INTS6: variants seen among roughly 807,000 people sequenced by gnomAD.
The protein encoded by INTS6 is DEAD box protein.
Under a neutral mutation model 104.9 loss-of-function variants are expected in INTS6, and 16 were observed. That is an observed-to-expected ratio of 0.15 (90% CI 0.10 to 0.23). The LOEUF is 0.23. INTS6 is among the 10% of genes least tolerant of loss of function. The probability of loss-of-function intolerance (pLI) is 1.00; values close to 1 mark genes in which losing one functional copy is unlikely to be tolerated. For synonymous variants in INTS6, 324 were observed against 358.7 expected, an observed-to-expected ratio of 0.90 and a Z score of 1.09; for missense variants, 584 against 1,062.8, an observed-to-expected ratio of 0.55 and a Z score of 6.26.
Position 51,374,306 on chromosome 13 carries a change from T to C in INTS6, c.2006A>G (p.Gln669Arg). The C allele has an allele frequency of 1.9e-6, 3 of 1,614,178 alleles. No individual in the cohort carries two copies. Among genetic ancestry groups the C allele is most frequent in the South Asian group, 2.2e-5 (2 of 91,088 alleles). Residue 669 changes from glutamine to arginine, a missense_variant, in exon 15 of 18, where the codon CAG becomes CGG. By Grantham distance (43) the Gln-to-Arg change is conservative. This residue lies in a region of INTS6 where 296 missense variants were observed against 437.0 expected (regional missense o/e 0.68). Coordinates refer to ENST00000311234, the MANE Select transcript of INTS6 (RefSeq NM_012141.3). ...AATATGATTGTTTACAACAGGATTC[T>C]GCTGTCTGCCTCTTAGTAGTGGAGA... ...CMSPLLRGRQQNPVVNNHIGG... is the reference protein window; with the variant it reads ...CMSPLLRGRQRNPVVNNHIGG...
At chr13:51,344,409 C>G in the INTS6 span, 1 of 1,611,198 alleles carries the variant, frequency 6.2e-7, no homozygotes, top group Non-Finnish European at 8.5e-7. Context: ...CTAACAGCAG[C>G]CTGGAACCAG....
chr13:51,342,592 T>G, the INTS6 span, among the ~76,000 whole-genome samples: 214 of 152,280 alleles, frequency 1.4e-3, 1 homozygote, highest in African/African-American at 5.0e-3. Flanking sequence ...AGAAAAGATT[T>G]CACACAAAAA....
At chr13:51,385,050 T>A (rs1339639457) in intron 7 of INTS6, 1 of 159,672 alleles carries the variant, frequency 6.3e-6, no homozygotes, top group African/African-American at 2.4e-5. Context: ...CATATAAAGA[T>A]CTTCAGTGAT....
chr13:51,424,080 T>C (rs1956943565), intron 4 of INTS6, among the ~76,000 whole-genome samples: 1 of 152,036 alleles, frequency 6.6e-6, no homozygotes. Context: ...CACAGTACTT[T>C]ATATATATAA....
chr13:51,345,907 G>A, the INTS6 span, among the ~76,000 whole-genome samples: 1 of 152,208 alleles, frequency 6.6e-6, no homozygotes, highest in Admixed American at 6.5e-5. Flanking sequence ...CCAGAGCCAG[G>A]CTGCTTGGGT....
chr13:51,409,111 A>G (rs1203914633), intron 4 of INTS6, among the ~76,000 whole-genome samples: 3 of 151,880 alleles, frequency 2.0e-5, no homozygotes, highest in African/African-American at 7.3e-5. Flanking sequence ...TCAGGGTCAT[A>G]TTTTATAACG....
intron 3 of INTS6, chr13:51,354,953 C>A: frequency 1.5e-6 from 1 of 672,624 alleles, no homozygotes; most frequent in Non-Finnish European, 2.6e-6. Flanking sequence ...AGCCTGACTT[C>A]CAAGTTAGGG....
chr13:51,347,531 C>A, the INTS6 span, among the ~76,000 whole-genome samples: 1 of 152,204 alleles, frequency 6.6e-6, no homozygotes. Context: ...GCCACCCTGG[C>A]AGGCACAATA....
the INTS6 span, among the ~76,000 whole-genome samples, chr13:51,344,667 C>T: frequency 1.3e-5 from 2 of 152,092 alleles, no homozygotes; most frequent in African/African-American, 4.8e-5. Flanking sequence ...TGCCTCTCTT[C>T]CTGCTCTGAC....
downstream of INTS6, among the ~76,000 whole-genome samples, chr13:51,352,640 G>T (rs890012255): frequency 6.6e-6 from 1 of 152,062 alleles, no homozygotes; most frequent in Non-Finnish European, 1.5e-5. Flanking sequence ...GAAGGGGTCA[G>T]AGTGGACATT....
chr13:51,412,978 G>A (rs182877710), intron 4 of INTS6, among the ~76,000 whole-genome samples: 35 of 152,220 alleles, frequency 2.3e-4, no homozygotes, highest in African/African-American at 7.0e-4. Flanking sequence ...AATCAAATGC[G>A]AAATTTCGTG....
At chr13:51,379,095 C>T (rs1211070652) in intron 11 of INTS6, among the ~76,000 whole-genome samples, 1 of 151,740 alleles carries the variant, frequency 6.6e-6, no homozygotes, top group African/African-American at 2.4e-5. Context: ...AAGAAACTCC[C>T]ATTCTGAAAG....
chr13:51,434,140 T>G (rs1957145104), intron 3 of INTS6, among the ~76,000 whole-genome samples: 1 of 152,208 alleles, frequency 6.6e-6, no homozygotes, highest in Non-Finnish European at 1.5e-5. Context: ...ATCAGATTGT[T>G]TTGTTTTTAA....
intron 4 of INTS6, among the ~76,000 whole-genome samples, chr13:51,396,011 T>A (rs537527822): frequency 1.3e-5 from 2 of 152,210 alleles, no homozygotes; most frequent in South Asian, 4.1e-4. Context: ...TTGACCAGGA[T>A]GGTCTCAAAC....
At position 51,364,280 on chromosome 13, in the gene INTS6, T is replaced by G. The variant is rs1955641990; in HGVS notation, c.*1472A>C. On this transcript the variant is annotated 3_prime_UTR_variant, in exon 18 of 18. Coordinates refer to ENST00000311234, the MANE Select transcript of INTS6 (RefSeq NM_012141.3). ...TGGGAGAGTTTCAAATCCCCTAGAC[T>G]AAATGCATGTTCTCCACTTTCATCA... 6.8e-7 allele frequency: 1 copy of G among 1,462,362 alleles called. No individual in the cohort carries two copies. Among genetic ancestry groups the G allele is most frequent in the African/African-American group, 1.4e-5 (1 of 71,196 alleles). 90.6% of individuals were successfully genotyped at this position (1,462,362 alleles called of 1,614,324 possible).
intron 11 of INTS6, among the ~76,000 whole-genome samples, chr13:51,378,715 A>G (rs919208842): frequency 3.3e-5 from 5 of 152,032 alleles, no homozygotes; most frequent in African/African-American, 7.2e-5. Flanking sequence ...ATTTATTAAT[A>G]CCCACTATAC....
In INTS6 at chr13:51,392,251, T is replaced by C. The variant is rs116138247; in HGVS notation, c.614-2807A>G. ...ACATCATACTTGGAATATAAAAATA[T>C]ATTTATTGTAGCCTAAAGAGCCATT... On this transcript the variant is annotated intron_variant, in intron 5 of 17. Transcript: ENST00000311234. Among the ~76,000 whole-genome samples, 1,315 of 152,366 alleles carry C rather than the reference T, an allele frequency of 8.6e-3. 19 individuals are homozygous for C. The highest frequency in any genetic ancestry group is 0.029 in the African/African-American group (1,218 of 41,590).
At chr13:51,447,464 G>A (rs559097545) in intron 3 of INTS6, 170 of 152,056 alleles carry the variant, frequency 1.1e-3, no homozygotes, top group African/African-American at 4.1e-3. Flanking sequence ...GATATTGTAC[G>A]AAAGCCACCA....
At chr13:51,387,223 T>C (rs1956156857) in intron 7 of INTS6, among the ~76,000 whole-genome samples, 163 bp downstream of exon 7, 1 of 152,218 alleles carries the variant, frequency 6.6e-6, no homozygotes, top group Non-Finnish European at 1.5e-5. Context: ...AACAGGGTTA[T>C]CATAGCAAAG....
Sources: allele counts gnomAD v4.1 joint callset (sites outside exome capture counted in the v4.1 genomes callset), GRCh38; gene constraint gnomAD v4.1.1; regional missense constraint gnomAD v4.1.1; transcripts MANE v1.5; gene names NCBI Gene and HGNC (gene_info 2026-07-23, HGNC 2026-07-21).